MIGA1: variants seen among roughly 807,000 people sequenced by gnomAD.
MIGA1 encodes family with sequence similarity 73, member A.
A neutral mutation model predicts 82.0 loss-of-function variants in MIGA1; 58 were observed. The ratio of observed to expected loss-of-function variants is 0.71; its 90% confidence interval spans 0.57 to 0.88. The LOEUF is 0.88. Ranked by LOEUF, MIGA1 falls within the 40% of genes least tolerant of loss-of-function variation. The pLI is 0.00. For synonymous variants in MIGA1, 249 were observed against 253.6 expected (o/e 0.98, Z 0.17); for missense variants, 751 against 749.1 (o/e 1.00, Z -0.03).
intron 7 of MIGA1, among the ~76,000 whole-genome samples, chr1:77,815,935 T>C (rs1365025930): frequency 1.3e-5 from 2 of 151,106 alleles, no homozygotes; most frequent in Non-Finnish European, 2.9e-5. Context: ...ATGAGGTTTT[T>C]CTTTTTTTCT....
At chr1:77,808,403 C>T (rs979015925) in intron 5 of MIGA1, among the ~76,000 whole-genome samples, 9 of 152,128 alleles carry the variant, frequency 5.9e-5, no homozygotes, top group Non-Finnish European at 1.2e-4. Context: ...CAGCCTACTA[C>T]ACTATCTTAA....
chr1:77,875,016 T>C lies in MIGA1; in HGVS notation c.1851T>C (p.Ser617=). The stretch of plus-strand genomic sequence containing the variant: ...GGCATACAAGTAGTTGTCTAAGCAG[T>C]CATGGTCATGTTATGTCCACTGGGC... Residue 617 remains serine (S), a synonymous_variant, in exon 16 of 16, where the codon AGT becomes AGC. Coordinates refer to ENST00000370791, the MANE Select transcript of MIGA1 (RefSeq NM_198549.4). 6.2e-7 allele frequency: 1 copy of C among 1,614,186 alleles called. No homozygotes were observed. The highest frequency in any genetic ancestry group is 8.5e-7 in the Non-Finnish European group (1 of 1,180,024).
At position 77,807,047 on chromosome 1, in the gene MIGA1, G is replaced by A; in HGVS notation, c.583G>A (p.Asp195Asn). The A allele has an allele frequency of 6.2e-7, 1 of 1,600,496 alleles. No homozygotes were observed. Among genetic ancestry groups the A allele is most frequent in the Non-Finnish European group, 8.6e-7 (1 of 1,167,832 alleles). Residue 195 changes from aspartate (D) to asparagine (N), a missense_variant, in exon 5 of 16, where the codon GAT becomes AAT. By Grantham distance (23) the Asp-to-Asn change is conservative (BLOSUM62 1). Coordinates refer to ENST00000370791, the MANE Select transcript of MIGA1 (RefSeq NM_198549.4). ...TTCCTGGGACAAAGCAGATGAAGATGATATTAAACTTGTTAATATTCCTGT... is the reference window on the plus strand; with the variant it reads ...TTCCTGGGACAAAGCAGATGAAGATAATATTAAACTTGTTAATATTCCTGT...
chr1:77,798,042 A>G (rs1682731216), intron 2 of MIGA1, among the ~76,000 whole-genome samples: 1 of 152,244 alleles, frequency 6.6e-6, no homozygotes, highest in African/African-American at 2.4e-5. Context: ...GTTTTTCACC[A>G]TTAAGCATGA....
rs1682822214 is a variant in MIGA1, at chr1:77,800,272, C to T, written c.196-1059C>T. On this transcript the variant is annotated intron_variant, in intron 2 of 15. Coordinates refer to ENST00000370791, the MANE Select transcript of MIGA1 (RefSeq NM_198549.4). Reference sequence around the variant, plus strand: ...TCACCTACATTTGCAGCACCTCTCTCCAGCCTCTCAACAGTGTATTCTTTC... The same window carrying T: ...TCACCTACATTTGCAGCACCTCTCTTCAGCCTCTCAACAGTGTATTCTTTC... 5.3e-5 allele frequency among the ~76,000 whole-genome samples: 8 copies of T among 152,190 alleles called. No individual in the cohort carries two copies. In the South Asian group the frequency reaches 1.7e-3, roughly 32 times the overall value.
At chr1:77,863,757 C>A in intron 12 of MIGA1, 137 bp from the exon 13 acceptor site, 1 of 590,646 alleles carries the variant, frequency 1.7e-6, no homozygotes, top group Non-Finnish European at 2.8e-6. Context: ...TCATATTTAT[C>A]TCTCCTTTTA....
Position 77,860,262 on chromosome 1 carries a change from C to T in MIGA1, c.1275+136C>T, listed in dbSNP as rs1484301211. 1.8e-5 allele frequency: 11 copies of T among 602,060 alleles called. 1 individual carries two copies. Among genetic ancestry groups the T allele is most frequent in the South Asian group, 8.7e-5 (4 of 46,166 alleles). The allele number at this position is 602,060 out of a possible 1,614,324, so 37.3% of individuals were successfully genotyped here. On this transcript the variant is annotated intron_variant, in intron 11 of 15. Coordinates refer to ENST00000370791, the MANE Select transcript of MIGA1 (RefSeq NM_198549.4). Reference sequence around the variant, plus strand: ...GTTGAAAAGGGCATTAAGTTATGCTCGGGTTGAACTATGTATAAAGTCCAC... The same window carrying T: ...GTTGAAAAGGGCATTAAGTTATGCTTGGGTTGAACTATGTATAAAGTCCAC...
At chr1:77,787,386 CT>C (rs74680486) in intron 2 of MIGA1, among the ~76,000 whole-genome samples, 9,299 of 142,024 alleles carry the variant, frequency 0.065, 228 homozygotes, top group South Asian at 0.12. Context: ...GTCCTTTGCC[CT>C]TTTTTTTTTT....
At chr1:77,831,286 T>G (rs1684235908) in intron 7 of MIGA1, among the ~76,000 whole-genome samples, 1 of 152,220 alleles carries the variant, frequency 6.6e-6, no homozygotes, top group Admixed American at 6.5e-5. Flanking sequence ...ACAGTGTATT[T>G]CTGCATGATA....
intron 7 of MIGA1, among the ~76,000 whole-genome samples, chr1:77,819,845 C>T (rs1475668553): frequency 2.0e-5 from 3 of 152,022 alleles, no homozygotes; most frequent in Non-Finnish European, 4.4e-5. Context: ...GCCTTCCATA[C>T]TGCCTGGATT....
chr1:77,803,333 G>C lies in MIGA1; in HGVS notation c.437G>C (p.Gly146Ala). 1 of 1,564,986 alleles carries C rather than the reference G, an allele frequency of 6.4e-7. No homozygotes were observed. Among genetic ancestry groups the C allele is most frequent in the Non-Finnish European group, 8.7e-7 (1 of 1,152,626 alleles). ...TCTTTAAGTTCTACCAAAGACAAAG[G>C]ATCTCAAGTTTGTAACTATGCTAAT... Residue 146 changes from glycine to alanine, a missense_variant, in exon 4 of 16, where the codon GGA becomes GCA. Gly to Ala is a moderately conservative substitution (Grantham distance 60). Around this residue, in one of 3 missense-constraint regions of MIGA1, gnomAD observed 482 missense variants for 439.4 expected, o/e 1.10. Coordinates refer to ENST00000370791, the MANE Select transcript of MIGA1 (RefSeq NM_198549.4).
Position 77,874,994 on chromosome 1 carries a change from A to T in MIGA1, c.1829A>T (p.His610Leu). 2 of 1,614,208 alleles carry T rather than the reference A, an allele frequency of 1.2e-6. No homozygotes were observed. The highest frequency in any genetic ancestry group is 1.6e-4 in the Middle Eastern group (1 of 6,062). ...TATCTTGAAGCAGATGCCCTGAGGCATACAAGTAGTTGTCTAAGCAGTCAT... is the reference window on the plus strand; with the variant it reads ...TATCTTGAAGCAGATGCCCTGAGGCTTACAAGTAGTTGTCTAAGCAGTCAT... Residue 610 changes from histidine to leucine, a missense_variant, in exon 16 of 16, where the codon CAT becomes CTT. Physicochemically the swap from His to Leu is moderately conservative, Grantham distance 99. This residue lies in a region of MIGA1 where 265 missense variants were observed against 293.6 expected (regional missense o/e 0.90). Transcript: ENST00000370791.
rs1479100069 is a variant in MIGA1, at chr1:77,783,239, T to G, written c.83T>G (p.Ile28Ser). The G allele has an allele frequency of 6.3e-7, 1 of 1,577,864 alleles. No homozygotes were observed. Among genetic ancestry groups the G allele is most frequent in the Non-Finnish European group, 8.7e-7 (1 of 1,154,620 alleles). Reference sequence around the variant, plus strand: ...TTTTTTATGTTTCATTTAATGAAGATTAGAAGAGGAGCCATGTCAGAAGAA... The same window carrying G: ...TTTTTTATGTTTCATTTAATGAAGAGTAGAAGAGGAGCCATGTCAGAAGAA... The change falls in exon 2 of 16, where the codon ATT becomes AGT. Residue 28 changes from isoleucine to serine, a missense_variant and splice_region_variant. Physicochemically the swap from Ile to Ser is moderately radical, Grantham distance 142. Coordinates refer to ENST00000370791, the MANE Select transcript of MIGA1 (RefSeq NM_198549.4).
chr1:77,793,227 C>T (rs1194852212), intron 2 of MIGA1, among the ~76,000 whole-genome samples: 1 of 152,030 alleles, frequency 6.6e-6, no homozygotes, highest in Non-Finnish European at 1.5e-5. Flanking sequence ...CTTTAGTCTC[C>T]TCATTAGCTG....
At chr1:77,842,420 A>G (rs535698547) in intron 7 of MIGA1, among the ~76,000 whole-genome samples, 8 of 152,336 alleles carry the variant, frequency 5.3e-5, no homozygotes, top group Admixed American at 2.0e-4. Flanking sequence ...GGGGGCATTT[A>G]TATTTGACCC....
intron 7 of MIGA1, among the ~76,000 whole-genome samples, chr1:77,828,871 C>G (rs1290463297): frequency 6.6e-6 from 1 of 152,018 alleles, no homozygotes; most frequent in Non-Finnish European, 1.5e-5. Context: ...ACATGGGAGT[C>G]TTCCTGTATT....
At chr1:77,834,570 G>A (rs1684358475) in intron 7 of MIGA1, among the ~76,000 whole-genome samples, 1 of 152,076 alleles carries the variant, frequency 6.6e-6, no homozygotes, top group Non-Finnish European at 1.5e-5. Context: ...TATTATAACT[G>A]TCTTAGTTTT....
Position 77,813,201 on chromosome 1 carries a change from C to T in MIGA1, c.638-533C>T, listed in dbSNP as rs149605908. Among the ~76,000 whole-genome samples the T allele has an allele frequency of 1.8e-3, 277 of 152,172 alleles. 1 individual carries two copies. The highest frequency in any genetic ancestry group is 0.017 in the Middle Eastern group (5 of 294). ...TTTACCATGTTGGCCAGGCTGGTCT[C>T]GAACTCCTGACCTCAGGTGATCCAC... On this transcript the variant is annotated intron_variant, in intron 5 of 15. Transcript: ENST00000370791.
At chr1:77,782,659 A>T (rs1681974242) in intron 1 of MIGA1, among the ~76,000 whole-genome samples, 1 of 152,078 alleles carries the variant, frequency 6.6e-6, no homozygotes, top group Admixed American at 6.5e-5. Flanking sequence ...TGTTTAAGAG[A>T]AATAATACGC....
Sources: gnomAD v4.1 joint callset for allele counts (sites outside exome capture counted in the v4.1 genomes callset) on GRCh38, gnomAD v4.1.1 for gene constraint, gnomAD v4.1.1 regional missense constraint, MANE v1.5 for transcripts, NCBI Gene and HGNC (gene_info 2026-07-23, HGNC 2026-07-21) for gene names.